The following CD109 variants were observed in gnomAD, a reference collection of about 807,000 sequenced individuals.
The protein encoded by CD109 is CD109 molecule, also known as CD109 antigen.
In CD109, 149 loss-of-function variants were observed where a neutral mutation model predicts 165.8. The ratio of observed to expected loss-of-function variants is 0.90; its 90% CI spans 0.79 to 1.03. The LOEUF (loss-of-function observed/expected upper bound fraction) is 1.03. Ranked by LOEUF, CD109 falls within the 50% of genes least tolerant of loss-of-function variation. CD109 has a pLI of 0.00. For missense variants in CD109, 1,712 were observed against 1,677.8 expected, an observed-to-expected ratio of 1.02 and a Z score of -0.36; for synonymous variants, 585 against 592.1, an observed-to-expected ratio of 0.99 and a Z score of 0.18.
At chr6:73,800,075 C>G (rs1775308531) in intron 23 of CD109, among the ~76,000 whole-genome samples, 1 of 152,032 alleles carries the variant, frequency 6.6e-6, no homozygotes, top group Non-Finnish European at 1.5e-5. Context: ...AGGCTGGTCT[C>G]AAACTCCTAG....
chr6:73,772,651 A>G (rs1582135167), intron 15 of CD109, among the ~76,000 whole-genome samples: 1 of 152,190 alleles, frequency 6.6e-6, no homozygotes, highest in South Asian at 2.1e-4. Flanking sequence ...AATGAATCCC[A>G]TATTCATTAG....
At chr6:73,725,501 C>CTGCTTTTTTTT (rs1772101757) in intron 3 of CD109, among the ~76,000 whole-genome samples, 1 of 25,302 alleles carries the variant, frequency 4.0e-5, no homozygotes, top group East Asian at 5.2e-4. Flanking sequence ...GTCTACTACA[C>CTGCTTTTTTTT]TTCTTTTTTT....
chr6:73,813,712 A>G (rs1451494260), intron 29 of CD109, among the ~76,000 whole-genome samples: 1 of 152,160 alleles, frequency 6.6e-6, no homozygotes, highest in Non-Finnish European at 1.5e-5. Context: ...TTGGAAATAA[A>G]CTGCAAGATC....
At chr6:73,756,525 C>A in intron 5 of CD109, 118 bp from the exon 6 acceptor site, 1 of 670,624 alleles carries the variant, frequency 1.5e-6, no homozygotes, top group Non-Finnish European at 2.5e-6. Context: ...TTCATTGCAT[C>A]ATTATAAATG....
chr6:73,729,232 T>C lies in CD109; in HGVS notation c.277-1112T>C, dbSNP rs1562034056. Among the ~76,000 whole-genome samples the C allele has an allele frequency of 5.3e-5, 8 of 152,304 alleles. No individual in the cohort carries two copies. The South Asian group carries it at 1.4e-3, about 28-fold the overall frequency. On this transcript the variant is annotated intron_variant, in intron 3 of 32. Transcript: ENST00000287097. ...TTCTTTTTCTGACATAGCCTAATTC[T>C]AGGATTTGGAAGGAAATCACTAAGT...
chr6:73,682,674 A>G, the CD109 span, among the ~76,000 whole-genome samples: 1 of 152,366 alleles, frequency 6.6e-6, no homozygotes, highest in East Asian at 1.9e-4. Context: ...ATTTCCCTTC[A>G]GAGGTTCTTG....
Position 73,737,981 on chromosome 6 carries a change from C to A in CD109, c.633+1473C>A, listed in dbSNP as rs558137999. Among the ~76,000 whole-genome samples the A allele has an allele frequency of 4.7e-4, 71 of 152,268 alleles. No homozygotes were observed. In the East Asian group the frequency reaches 0.012, roughly 26 times the overall value. On this transcript the variant is annotated intron_variant, in intron 5 of 32. Coordinates refer to ENST00000287097, the MANE Select transcript of CD109 (RefSeq NM_133493.5). ...CTATCCACCCACCCACCCACCAACC[C>A]AGTATGTGTTAAGGACTTTATGGCT...
Position 73,815,109 on chromosome 6 carries a change from G to T in CD109, c.3897G>T (p.Leu1299Phe). ...AAGATGATCTCAATCATGTGGATTT[G>T]AATGTGTGTACAAGGTAAGTGTCTG... ...ENKDDLNHVD[L>F]NVCTSFSGPG... The change falls in exon 30 of 33, where the codon TTG becomes TTT. Residue 1299 changes from leucine (L) to phenylalanine (F), a missense_variant. Coordinates refer to ENST00000287097, the MANE Select transcript of CD109 (RefSeq NM_133493.5). 6.3e-7 allele frequency: 1 copy of T among 1,586,294 alleles called. No individual in the cohort carries two copies. The highest frequency in any genetic ancestry group is 1.2e-5 in the South Asian group (1 of 84,984).
chr6:73,804,818 G>T (rs1775507088), intron 24 of CD109, among the ~76,000 whole-genome samples: 4 of 152,138 alleles, frequency 2.6e-5, no homozygotes, highest in Admixed American at 2.6e-4. Context: ...AATAACCTTG[G>T]ACAATTTATT....
chr6:73,704,074 A>G (rs1771174661), intron 2 of CD109, among the ~76,000 whole-genome samples: 1 of 151,676 alleles, frequency 6.6e-6, no homozygotes, highest in African/African-American at 2.4e-5. Flanking sequence ...AGTCCCAGTT[A>G]CTTGGGAGGC....
chr6:73,760,835 A>C (rs1773591187), intron 7 of CD109, among the ~76,000 whole-genome samples: 1 of 152,022 alleles, frequency 6.6e-6, no homozygotes, highest in Non-Finnish European at 1.5e-5. Context: ...ACAGAGCGAG[A>C]CTCTGTCTCA....
Position 73,826,997 on chromosome 6 carries a change from C to T in CD109, c.*3364C>T, listed in dbSNP as rs1278997320. On this transcript the variant is annotated 3_prime_UTR_variant, in exon 33 of 33. Transcript: ENST00000287097. ...TTTCATTTGACATGTCTGGCAGACT[C>T]AAGACATTAAGTAAAAAATTGGAAC... is the stretch of plus-strand genomic sequence containing the variant. The T allele has an allele frequency of 6.6e-6, 1 of 151,984 alleles. No individual in the cohort carries two copies. The highest frequency in any genetic ancestry group is 1.5e-5 in the Non-Finnish European group (1 of 67,982). 9.4% of individuals were successfully genotyped at this position (151,984 alleles called of 1,614,324 possible).
intron 25 of CD109, among the ~76,000 whole-genome samples, chr6:73,807,786 G>C (rs1775621993): frequency 6.6e-6 from 1 of 152,170 alleles, no homozygotes; most frequent in South Asian, 2.1e-4. Flanking sequence ...GCAGTTTGCT[G>C]TTCTTATCTG....
intron 2 of CD109, among the ~76,000 whole-genome samples, chr6:73,698,725 C>T (rs1427554527): frequency 1.3e-5 from 2 of 152,120 alleles, no homozygotes; most frequent in Non-Finnish European, 2.9e-5. Flanking sequence ...TGTGTAGGGG[C>T]AAGTCACTTT....
intron 32 of CD109, among the ~76,000 whole-genome samples, chr6:73,821,475 T>C (rs1468321392): frequency 6.6e-6 from 1 of 152,204 alleles, no homozygotes; most frequent in Non-Finnish European, 1.5e-5. Context: ...TCGACCTAGG[T>C]GCCCATCAAC....
At chr6:73,717,910 C>T (rs796265402) in intron 2 of CD109, among the ~76,000 whole-genome samples, 38 of 152,020 alleles carry the variant, frequency 2.5e-4, no homozygotes, top group African/African-American at 6.3e-4. Context: ...TGAGCCACCG[C>T]GCCTGGCTTC....
In CD109 at chr6:73,823,637, A is replaced by T; in HGVS notation, c.*4A>T. On this transcript the variant is annotated 3_prime_UTR_variant, in exon 33 of 33. Coordinates refer to ENST00000287097, the MANE Select transcript of CD109 (RefSeq NM_133493.5). ...CTTTATGGAACTTTGGCTGTGATTT[A>T]TTTTTAAAGGACTCTGTGTAACACT... The T allele has an allele frequency of 3.1e-6, 5 of 1,603,476 alleles. No individual in the cohort carries two copies. Among genetic ancestry groups the T allele is most frequent in the Non-Finnish European group, 4.3e-6 (5 of 1,172,764 alleles).
chr6:73,779,712 C>A (rs1774403292), intron 15 of CD109, among the ~76,000 whole-genome samples: 2 of 151,896 alleles, frequency 1.3e-5, no homozygotes, highest in South Asian at 4.1e-4. Flanking sequence ...CTTGGAGTTA[C>A]TGTTTTCAGT....
chr6:73,773,511 A>G (rs967185118), intron 15 of CD109, among the ~76,000 whole-genome samples: 1 of 152,056 alleles, frequency 6.6e-6, no homozygotes, highest in Non-Finnish European at 1.5e-5. Context: ...TAAAATTTAG[A>G]TTCTTTTTCT....
Sources: allele counts gnomAD v4.1 joint callset (sites outside exome capture counted in the v4.1 genomes callset), GRCh38; gene constraint gnomAD v4.1.1; transcripts MANE v1.5; gene names NCBI Gene and HGNC (gene_info 2026-07-23, HGNC 2026-07-21).